IGF2BP2: variants seen among roughly 807,000 people sequenced by gnomAD.
The protein encoded by IGF2BP2 is insulin-like growth factor 2 mRNA-binding protein 2.
Under a neutral mutation model 75.8 loss-of-function variants are expected in IGF2BP2, and 17 were observed. The observed-to-expected ratio is 0.22, with a 90% CI of 0.15 to 0.34. The LOEUF is 0.34. Ranked by LOEUF, IGF2BP2 falls within the 10% of genes least tolerant of loss-of-function variation. The pLI, the probability that IGF2BP2 is intolerant of heterozygous loss-of-function variation, is 1.00. For synonymous variants in IGF2BP2, 288 were observed against 295.6 expected, an observed-to-expected ratio of 0.97 and a Z score of 0.26; for missense variants, 516 against 772.4, an observed-to-expected ratio of 0.67 and a Z score of 3.93.
intron 4 of IGF2BP2, among the ~76,000 whole-genome samples, chr3:185,693,560 G>A (rs1722217624): frequency 6.6e-6 from 1 of 152,184 alleles, no homozygotes; most frequent in African/African-American, 2.4e-5. Flanking sequence ...TAAACTCTAT[G>A]ATTGGCTAAT....
intron 2 of IGF2BP2, among the ~76,000 whole-genome samples, chr3:185,753,614 TC>T (rs879945542): frequency 6.6e-6 from 1 of 152,152 alleles, no homozygotes; most frequent in Non-Finnish European, 1.5e-5. Context: ...CCTCTTGATG[TC>T]CCAGTATCTC....
Position 185,687,203 on chromosome 3 carries a change from G to T in IGF2BP2, c.678-12C>A, listed in dbSNP as rs144487031. ...TATGGATATCTACCCTGTAGGAAAA[G>T]AATCAGGAGCCATGATTACAAGGTC... On this transcript the variant is annotated splice_polypyrimidine_tract_variant and intron_variant, in intron 6 of 15. Coordinates refer to ENST00000382199, the MANE Select transcript of IGF2BP2 (RefSeq NM_006548.6). 5.6e-6 allele frequency: 9 copies of T among 1,594,614 alleles called. No individual in the cohort carries two copies. The highest frequency in any genetic ancestry group is 6.8e-6 in the Non-Finnish European group (8 of 1,174,756).
intron 12 of IGF2BP2, among the ~76,000 whole-genome samples, chr3:185,655,322 G>A (rs1446235675): frequency 6.6e-6 from 1 of 151,998 alleles, no homozygotes. Context: ...GTAGAGATGG[G>A]GTTTCACCCT....
In IGF2BP2 at chr3:185,649,453, T is replaced by C; in HGVS notation, c.1543A>G (p.Arg515Gly). The change falls in exon 14 of 16, where the codon AGA (arginine) becomes GGA (glycine). Residue 515 changes from arginine to glycine, a missense_variant. Physicochemically the swap from Arg to Gly is moderately radical, Grantham distance 125 (BLOSUM62 -2). Around this residue, in one of 3 missense-constraint regions of IGF2BP2, gnomAD observed 129 missense variants for 230.5 expected, o/e 0.56. Transcript: ENST00000382199. ...CGGCCAGCTGTGGAAGAGGGCACTC[T>C]GATATGCGCTTCCAGCTTCACTTCT... ...KEEVKLEAHI[R>G]VPSSTAGRVI... is the part of the protein sequence containing the mutation. The C allele has an allele frequency of 6.2e-7, 1 of 1,614,114 alleles. No homozygotes were observed. Among genetic ancestry groups the C allele is most frequent in the Non-Finnish European group, 8.5e-7 (1 of 1,179,998 alleles).
chr3:185,699,982 A>G (rs1723072911), intron 2 of IGF2BP2, among the ~76,000 whole-genome samples: 1 of 152,200 alleles, frequency 6.6e-6, no homozygotes, highest in African/African-American at 2.4e-5. Flanking sequence ...TATCCTGGAA[A>G]TAAAGCATTT....
intron 2 of IGF2BP2, among the ~76,000 whole-genome samples, chr3:185,780,553 C>T (rs1315052050): frequency 1.3e-5 from 2 of 152,126 alleles, no homozygotes; most frequent in Admixed American, 6.6e-5. Flanking sequence ...GCTGCTACTG[C>T]GTATATTCTG....
chr3:185,667,802 G>GC (rs1553852437), intron 10 of IGF2BP2, among the ~76,000 whole-genome samples: 2 of 152,176 alleles, frequency 1.3e-5, no homozygotes, highest in African/African-American at 4.8e-5. Context: ...AGATAATCGT[G>GC]TTTTTTACAA....
chr3:185,716,536 C>T (rs374446710), intron 2 of IGF2BP2: 4 of 520,134 alleles, frequency 7.7e-6, no homozygotes, highest in African/African-American at 1.9e-5. Context: ...TCCTGTAGCC[C>T]TCCTCAGATG....
At chr3:185,785,757 G>C (rs971521289) in intron 2 of IGF2BP2, among the ~76,000 whole-genome samples, 2 of 152,160 alleles carry the variant, frequency 1.3e-5, no homozygotes, top group African/African-American at 2.4e-5. Flanking sequence ...AGACTACAGT[G>C]AGCTACAATG....
At chr3:185,679,536 C>A (rs972871329) in intron 7 of IGF2BP2, among the ~76,000 whole-genome samples, 3 of 152,088 alleles carry the variant, frequency 2.0e-5, no homozygotes, top group Non-Finnish European at 4.4e-5. Context: ...TTTACCCTTA[C>A]CAGATAACTA....
intron 11 of IGF2BP2, 141 bp downstream of exon 11, chr3:185,658,199 GC>G: frequency 1.2e-6 from 1 of 807,420 alleles, no homozygotes; most frequent in South Asian, 1.6e-5. Context: ...GCGTGCTCAG[GC>G]TTTGAGGTGT....
intron 2 of IGF2BP2, chr3:185,722,163 G>A: frequency 2.2e-6 from 1 of 446,848 alleles, no homozygotes; most frequent in South Asian, 1.6e-5. Flanking sequence ...CAAATTCCTG[G>A]CCTCAAGCAA....
rs182632581 is a variant in IGF2BP2 at position 185,742,694 on chromosome 3, A to T, written c.240-44347T>A. ...AATAAAAGTGAAACAAAAACAGCTG[A>T]GTTAGTTTAATGCAGCATTTCCACA... On this transcript the variant is annotated intron_variant, in intron 2 of 15. Transcript: ENST00000382199. Among the ~76,000 whole-genome samples the T allele has an allele frequency of 2.0e-3, 305 of 152,040 alleles. 1 individual carries two copies. Among genetic ancestry groups the T allele is most frequent in the Admixed American group, 8.8e-3 (134 of 15,268 alleles).
intron 2 of IGF2BP2, among the ~76,000 whole-genome samples, chr3:185,755,224 C>A (rs1005360493): frequency 8.5e-5 from 13 of 152,212 alleles, no homozygotes; most frequent in African/African-American, 3.1e-4. Flanking sequence ...CTGCAACCCC[C>A]ATCTCCACTG....
In IGF2BP2 at chr3:185,766,150, G is replaced by A. The variant is rs190364926; in HGVS notation, c.239+57003C>T. ...AAATAAAGCCCAAGGTGCTATACAC[G>A]GCCACTAAGCATATTTAATTCTACT... On this transcript the variant is annotated intron_variant, in intron 2 of 15. Transcript: ENST00000382199. Among the ~76,000 whole-genome samples the A allele has an allele frequency of 2.0e-3, 305 of 152,048 alleles. 1 individual carries two copies. The highest frequency in any genetic ancestry group is 8.6e-3 in the Admixed American group (132 of 15,268).
intron 2 of IGF2BP2, among the ~76,000 whole-genome samples, chr3:185,782,646 C>T (rs1488113585): frequency 3.9e-5 from 6 of 152,158 alleles, no homozygotes; most frequent in Non-Finnish European, 8.8e-5. Flanking sequence ...TTTATTCCAT[C>T]ACTGGGAGCG....
chr3:185,648,897 T>G (rs534632697), intron 14 of IGF2BP2, among the ~76,000 whole-genome samples: 2 of 151,956 alleles, frequency 1.3e-5, no homozygotes, highest in Non-Finnish European at 2.9e-5. Flanking sequence ...GAGGGGGAGT[T>G]AGGGACTGGA....
intron 2 of IGF2BP2, among the ~76,000 whole-genome samples, chr3:185,809,132 C>G (rs1284698260): frequency 6.9e-6 from 1 of 145,030 alleles, no homozygotes; most frequent in South Asian, 2.2e-4. Context: ...TTTTTTTTTT[C>G]AAATAGGTTT....
Position 185,740,466 on chromosome 3 carries a change from C to G in IGF2BP2, c.240-42119G>C, listed in dbSNP as rs77045131. ...ATTAAATGTCTACCTGCTGAGTTTC[C>G]AACAGAACTAGCCAAGAGTATCAGA... is the stretch of plus-strand genomic sequence containing the variant. On this transcript the variant is annotated intron_variant, in intron 2 of 15. Transcript: ENST00000382199. Among the ~76,000 whole-genome samples the G allele has an allele frequency of 4.6e-5, 7 of 152,274 alleles. No individual in the cohort carries two copies. The Middle Eastern group carries it at 0.01, about 222-fold the overall frequency.
Sources: allele counts gnomAD v4.1 joint callset (sites outside exome capture counted in the v4.1 genomes callset), GRCh38; gene constraint gnomAD v4.1.1; regional missense constraint gnomAD v4.1.1; transcripts MANE v1.5; gene names NCBI Gene and HGNC (gene_info 2026-07-23, HGNC 2026-07-21).